The following RNF150 variants were observed in gnomAD, a reference collection of about 807,000 sequenced individuals.
RNF150 encodes the protein ring finger protein 150.
In RNF150, 24 loss-of-function variants were observed where a neutral mutation model predicts 39.3. That is an observed-to-expected ratio of 0.61 (90% confidence interval 0.44 to 0.86). The LOEUF (loss-of-function observed/expected upper bound fraction) is 0.86, where lower values mean the gene tolerates loss of function less well. Ranked by LOEUF, RNF150 falls within the 40% of genes least tolerant of loss-of-function variation. The pLI is 0.00. For missense variants in RNF150, 502 were observed against 587.8 expected (o/e 0.85, Z 1.51); for synonymous variants, 255 against 227.3 (o/e 1.12, Z -1.10).
chr4:141,076,175 C>T (rs973709346), intron 1 of RNF150, among the ~76,000 whole-genome samples: 1 of 152,148 alleles, frequency 6.6e-6, no homozygotes, highest in Admixed American at 6.6e-5. Context: ...ATGACATGTA[C>T]AGGAAAAATC....
At chr4:141,209,290 A>G (rs1411329698) in intron 1 of RNF150, among the ~76,000 whole-genome samples, 1 of 152,114 alleles carries the variant, frequency 6.6e-6, no homozygotes, top group Non-Finnish European at 1.5e-5. Flanking sequence ...ACTATTGTAC[A>G]TGCTATATGT....
chr4:141,182,154 A>ACCC (rs1421539330), intron 1 of RNF150, among the ~76,000 whole-genome samples: 1 of 148,628 alleles, frequency 6.7e-6, no homozygotes, highest in East Asian at 2.0e-4. Flanking sequence ...AACTCTCAAT[A>ACCC]AATTAGATAT....
intron 1 of RNF150, among the ~76,000 whole-genome samples, chr4:141,207,560 T>C (rs949466417): frequency 2.0e-5 from 3 of 152,150 alleles, no homozygotes; most frequent in Non-Finnish European, 4.4e-5. Context: ...CACAAGGTAC[T>C]GAATTGAACA....
chr4:140,984,726 G>A (rs1450942575), intron 1 of RNF150, among the ~76,000 whole-genome samples: 1 of 152,034 alleles, frequency 6.6e-6, no homozygotes, highest in Non-Finnish European at 1.5e-5. Flanking sequence ...CACTTGGTGT[G>A]GGCCAAGGGA....
At chr4:141,099,186 A>C (rs1418303838) in intron 1 of RNF150, among the ~76,000 whole-genome samples, 1 of 152,106 alleles carries the variant, frequency 6.6e-6, no homozygotes. Flanking sequence ...AAAAAATACT[A>C]CTTTCCAAAG....
intron 5 of RNF150, among the ~76,000 whole-genome samples, chr4:140,914,552 T>A (rs1730740585): frequency 6.6e-6 from 1 of 152,192 alleles, no homozygotes; most frequent in African/African-American, 2.4e-5. Context: ...CCTATTCCTA[T>A]GAGGATAATA....
chr4:140,875,274 G>C (rs564447404), intron 6 of RNF150, among the ~76,000 whole-genome samples: 1 of 151,164 alleles, frequency 6.6e-6, no homozygotes, highest in Admixed American at 6.6e-5. Flanking sequence ...GCTCAAGCAA[G>C]CTTCTCACTT....
intron 1 of RNF150, among the ~76,000 whole-genome samples, chr4:141,152,019 AT>A (rs1420134254): frequency 3.3e-5 from 5 of 152,126 alleles, no homozygotes; most frequent in Non-Finnish European, 7.4e-5. Context: ...AAAAAAAAAA[AT>A]GTGGAGTTCA....
intron 1 of RNF150, among the ~76,000 whole-genome samples, chr4:141,123,277 T>C (rs569290204): frequency 3.7e-4 from 57 of 152,270 alleles, no homozygotes; most frequent in African/African-American, 1.3e-3. Flanking sequence ...CCAAAAATAT[T>C]GTCTAAATGC....
intron 5 of RNF150, among the ~76,000 whole-genome samples, chr4:140,912,191 CTT>C (rs2111277117): frequency 6.6e-6 from 1 of 152,300 alleles, no homozygotes; most frequent in East Asian, 1.9e-4. Context: ...AAGTTTTACT[CTT>C]TTATCTCAGT....
chr4:141,026,433 G>A (rs898266225), intron 1 of RNF150, among the ~76,000 whole-genome samples: 1 of 152,188 alleles, frequency 6.6e-6, no homozygotes, highest in Non-Finnish European at 1.5e-5. Flanking sequence ...TTAAGTGTTT[G>A]ATAGTTTCTT....
chr4:141,121,523 A>G (rs1389559167), intron 1 of RNF150, among the ~76,000 whole-genome samples: 1 of 152,200 alleles, frequency 6.6e-6, no homozygotes, highest in African/African-American at 2.4e-5. Flanking sequence ...ATCAACATTT[A>G]GCATATAGAT....
chr4:140,936,374 G>T (rs779447847), intron 4 of RNF150, among the ~76,000 whole-genome samples: 15 of 152,136 alleles, frequency 9.9e-5, no homozygotes, highest in Non-Finnish European at 1.9e-4. Context: ...TTCCAAAGCT[G>T]TTGTGCTATT....
chr4:140,917,750 A>G (rs2111294108), intron 5 of RNF150, among the ~76,000 whole-genome samples: 1 of 151,568 alleles, frequency 6.6e-6, no homozygotes, highest in African/African-American at 2.4e-5. Flanking sequence ...TTTTTTCAGC[A>G]CCACACCACA....
chr4:141,079,969 G>A (rs1321924027), intron 1 of RNF150, among the ~76,000 whole-genome samples: 2 of 152,100 alleles, frequency 1.3e-5, no homozygotes, highest in Non-Finnish European at 2.9e-5. Flanking sequence ...AGCACAGAAA[G>A]CATAGTCAGG....
At chr4:141,108,307 T>A (rs568906322) in intron 1 of RNF150, among the ~76,000 whole-genome samples, 1 of 152,336 alleles carries the variant, frequency 6.6e-6, no homozygotes, top group Non-Finnish European at 1.5e-5. Flanking sequence ...TTTCTTAAAA[T>A]TTTTCTTCTA....
At chr4:141,137,396 G>C (rs1296063481), upstream of RNF150, among the ~76,000 whole-genome samples, 1 of 152,226 alleles carries the variant, frequency 6.6e-6, no homozygotes, top group African/African-American at 2.4e-5. Context: ...GTGGCAATGA[G>C]CATGGTGAGA....
At chr4:140,929,476 C>T (rs1489266620) in intron 4 of RNF150, among the ~76,000 whole-genome samples, 2 of 149,732 alleles carry the variant, frequency 1.3e-5, no homozygotes, top group African/African-American at 4.9e-5. Context: ...ACGCCATTCT[C>T]CTGCCTCAGC....
chr4:140,917,782 T>G (rs890964763), intron 5 of RNF150, among the ~76,000 whole-genome samples: 2 of 150,770 alleles, frequency 1.3e-5, no homozygotes, highest in African/African-American at 4.9e-5. Flanking sequence ...ATTGACCACA[T>G]AGTTGGAAGT....
Sources: gnomAD v4.1 joint callset for allele counts (sites outside exome capture counted in the v4.1 genomes callset) on GRCh38, gnomAD v4.1.1 for gene constraint, MANE v1.5 for transcripts, NCBI Gene and HGNC (gene_info 2026-07-23, HGNC 2026-07-21) for gene names.